ZNF615: variants seen among roughly 807,000 people sequenced by gnomAD.
ZNF615 encodes the protein zinc finger protein 615.
Under a neutral mutation model 15.3 loss-of-function variants are expected in ZNF615, and 15 were observed. The ratio of observed to expected loss-of-function variants is 0.98; its 90% confidence interval spans 0.66 to 1.51. The LOEUF is 1.51. Among genes scored for constraint, ZNF615 ranks in the 40% most tolerant of loss-of-function variants. The pLI is 0.00. For missense variants in ZNF615, 848 were observed against 895.9 expected, an observed-to-expected ratio of 0.95 and a Z score of 0.68; for synonymous variants, 268 against 294.6, an observed-to-expected ratio of 0.91 and a Z score of 0.92.
At chr19:52,008,120 C>A (rs1404652198) in intron 1 of ZNF615, 21 bp downstream of exon 1, 1 of 1,535,096 alleles carries the variant, frequency 6.5e-7, no homozygotes, top group East Asian at 2.4e-5. Flanking sequence ...ACCACAGCGA[C>A]CACCCAGTGA....
chr19:52,008,089 G>C, intron 1 of ZNF615, 52 bp downstream of exon 1: 1 of 1,514,282 alleles, frequency 6.6e-7, no homozygotes, highest in South Asian at 1.2e-5. Context: ...CCCAGCCACG[G>C]ACAGAATTTC....
intron 3 of ZNF615, among the ~76,000 whole-genome samples, chr19:52,002,975 C>A (rs1239334349): frequency 6.6e-6 from 1 of 151,826 alleles, no homozygotes; most frequent in Non-Finnish European, 1.5e-5. Flanking sequence ...TACAGGCGCA[C>A]GCCACCACAC....
At chr19:52,007,971 C>T (rs2086803325) in intron 1 of ZNF615, 170 bp downstream of exon 1, 2 of 626,968 alleles carry the variant, frequency 3.2e-6, no homozygotes, top group East Asian at 2.8e-5. Context: ...CTTGTAGTTC[C>T]CCTGCGATAG....
In ZNF615 at chr19:51,992,858, G is replaced by A. The variant is rs769233327; in HGVS notation, c.*22C>T. 1.7e-5 allele frequency: 27 copies of A among 1,610,786 alleles called. No homozygotes were observed. In the South Asian group the frequency reaches 2.9e-4, roughly 17 times the overall value. On this transcript the variant is annotated 3_prime_UTR_variant, in exon 7 of 7. Transcript: ENST00000598071. ...CAGATATCTTAAGGGCCTACATCTG[G>A]CAAGAGGCTTTCCCAAAATGACTAC... is the stretch of plus-strand genomic sequence containing the variant.
At chr19:51,998,247 G>C (rs2086497581) in intron 6 of ZNF615, among the ~76,000 whole-genome samples, 2 of 152,138 alleles carry the variant, frequency 1.3e-5, no homozygotes, top group Non-Finnish European at 1.5e-5. Flanking sequence ...CTTATTTCCA[G>C]ACAGTTTTGC....
At chr19:52,004,669 A>C (rs2086697908) in intron 2 of ZNF615, 1 of 152,124 alleles carries the variant, frequency 6.6e-6, no homozygotes, top group Non-Finnish European at 1.5e-5. Context: ...CTGGGACTAC[A>C]GGCATGAGCC....
intron 6 of ZNF615, among the ~76,000 whole-genome samples, chr19:51,996,805 G>A (rs946211922): frequency 1.3e-5 from 2 of 152,204 alleles, no homozygotes; most frequent in Admixed American, 1.3e-4. Flanking sequence ...AGGTGCACAA[G>A]TGGAGACCCA....
Position 51,992,825 on chromosome 19 carries a change from C to A in ZNF615, c.*55G>T, listed in dbSNP as rs907355600. ...TGTAGTCTGCATTCATGAAATTACTCTTCTTTGCAGATATCTTAAGGGCCT... is the reference window on the plus strand; with the variant it reads ...TGTAGTCTGCATTCATGAAATTACTATTCTTTGCAGATATCTTAAGGGCCT... On this transcript the variant is annotated 3_prime_UTR_variant, in exon 7 of 7. Coordinates refer to ENST00000598071, the MANE Select transcript of ZNF615 (RefSeq NM_001199324.2). 5.1e-6 allele frequency: 8 copies of A among 1,566,730 alleles called. No individual in the cohort carries two copies. The highest frequency in any genetic ancestry group is 6.9e-6 in the Non-Finnish European group (8 of 1,153,950).
chr19:51,999,318 C>T (rs569130609), intron 6 of ZNF615, among the ~76,000 whole-genome samples: 4 of 152,240 alleles, frequency 2.6e-5, no homozygotes, highest in African/African-American at 7.2e-5. Flanking sequence ...GCAGTACCTA[C>T]CAAAATCCTA....
intron 6 of ZNF615, among the ~76,000 whole-genome samples, chr19:51,998,378 C>T (rs1480700353): frequency 1.3e-5 from 2 of 152,166 alleles, no homozygotes; most frequent in Non-Finnish European, 2.9e-5. Context: ...GGAGCCTACA[C>T]GTGTTCATCA....
rs745362746 is a variant in ZNF615, at chr19:51,994,453, T to G, written c.656A>C (p.Glu219Ala). ...HNIENAHVCS[E>A]CGKAFLKLSQ... ...CAACTTGAGGAAGGCTTTCCCACAT[T>G]CACTGCATACATGGGCATTCTCTAT... is the stretch of plus-strand genomic sequence containing the variant. The change falls in exon 7 of 7, where the codon GAA (glutamate) becomes GCA (alanine). Residue 219 changes from glutamate to alanine, a missense_variant. Physicochemically the swap from Glu to Ala is moderately radical, Grantham distance 107. Transcript: ENST00000598071. 2.5e-6 allele frequency: 4 copies of G among 1,614,200 alleles called. No individual in the cohort carries two copies. The highest frequency in any genetic ancestry group is 3.4e-6 in the Non-Finnish European group (4 of 1,180,012).
rs1380865954 is a variant in ZNF615 at position 51,994,216 on chromosome 19, G to C, written c.893C>G (p.Pro298Arg). The stretch of plus-strand genomic sequence containing the variant: ...TTTCCCACATTGGCTACATGTGTAA[G>C]GTTTCCCTCCCATATGAGTTTTCTG... ...IHQKTHMGGK[P>R]YTCSQCGKAF... The change falls in exon 7 of 7, where the codon CCT becomes CGT. Residue 298 changes from proline (P) to arginine (R), a missense_variant. Pro to Arg is a moderately radical substitution (Grantham distance 103). Transcript: ENST00000598071. The C allele has an allele frequency of 3.1e-6, 5 of 1,613,924 alleles. No homozygotes were observed. Among genetic ancestry groups the C allele is most frequent in the Admixed American group, 3.3e-5 (2 of 59,998 alleles).
At chr19:52,002,895 C>T (rs1474349096) in intron 3 of ZNF615, among the ~76,000 whole-genome samples, 1 of 151,110 alleles carries the variant, frequency 6.6e-6, no homozygotes. Context: ...GGCACAATCT[C>T]GGCTCACTGC....
chr19:51,994,879 T>C (rs1481011516), intron 6 of ZNF615, 42 bp from the exon 7 acceptor site: 1 of 1,509,336 alleles, frequency 6.6e-7, no homozygotes, highest in South Asian at 1.4e-5. Flanking sequence ...TCATCTTGTT[T>C]TGAAATAAAC....
chr19:52,003,985 C>G, intron 2 of ZNF615, 85 bp from the exon 3 acceptor site: 5 of 914,072 alleles, frequency 5.5e-6, no homozygotes, highest in Non-Finnish European at 7.1e-6. Context: ...TAAATCAAGG[C>G]CCCCAAATAT....
rs1415147796 is a variant in ZNF615, at chr19:51,992,747, CAT to C, written c.*131_*132del. ...AAAATATTTTCTCAAATGTTTTGTA[CAT>C]GTTTTCTCTGACACAAAACATGAAG... On this transcript the variant is annotated 3_prime_UTR_variant, in exon 7 of 7. Coordinates refer to ENST00000598071, the MANE Select transcript of ZNF615 (RefSeq NM_001199324.2). 4.6e-6 allele frequency: 5 copies of C among 1,083,782 alleles called. No individual in the cohort carries two copies. Among genetic ancestry groups the C allele is most frequent in the Non-Finnish European group, 4.0e-6 (3 of 749,780 alleles). 67.1% of individuals were successfully genotyped at this position (1,083,782 alleles called of 1,614,324 possible).
At chr19:52,002,500 C>A in intron 3 of ZNF615, 1 of 653,506 alleles carries the variant, frequency 1.5e-6, no homozygotes, top group South Asian at 1.5e-5. Flanking sequence ...GTCTGTAATA[C>A]ACAGCTATCC....
intron 2 of ZNF615, among the ~76,000 whole-genome samples, chr19:52,005,260 AAAC>A (rs72332358): frequency 0.23 from 35,287 of 151,922 alleles, 4,557 homozygotes; most frequent in East Asian, 0.37. Context: ...TTCTATCTCA[AAAC>A]AACAACAACA....
rs371837999 is a variant in ZNF615 at position 52,002,404 on chromosome 19, A to G, written c.16-123T>C. ...GCTGGTGGGGTTTTTTTCTTAGTAC[A>G]TTTTGACAGAATAAGAATTCCAGTA... On this transcript the variant is annotated intron_variant, in intron 3 of 6. Coordinates refer to ENST00000598071, the MANE Select transcript of ZNF615 (RefSeq NM_001199324.2). 18 of 1,351,628 alleles carry G rather than the reference A, an allele frequency of 1.3e-5. No homozygotes were observed. In the African/African-American group the frequency reaches 2.2e-4, roughly 16 times the overall value. The allele number at this position is 1,351,628 out of a possible 1,614,324, so 83.7% of individuals were successfully genotyped here.
Sources: allele counts gnomAD v4.1 joint callset (sites outside exome capture counted in the v4.1 genomes callset), GRCh38; gene constraint gnomAD v4.1.1; transcripts MANE v1.5; gene names NCBI Gene and HGNC (gene_info 2026-07-23, HGNC 2026-07-21).